SHISA9: variants seen among roughly 807,000 people sequenced by gnomAD.
SHISA9 encodes protein shisa-9.
A neutral mutation model predicts 38.0 loss-of-function variants in SHISA9; 13 were observed. That is an observed-to-expected ratio of 0.34 (90% confidence interval 0.22 to 0.54). The LOEUF is 0.54. Among genes scored for constraint, SHISA9 ranks in the 20% least tolerant of loss-of-function variants. SHISA9 has a pLI of 0.91. For synonymous variants in SHISA9, 275 were observed against 242.0 expected (o/e 1.14, Z -1.27); for missense variants, 538 against 575.8 (o/e 0.93, Z 0.67).
At chr16:13,095,516 T>C (rs2073816385) in intron 2 of SHISA9, among the ~76,000 whole-genome samples, 1 of 152,242 alleles carries the variant, frequency 6.6e-6, no homozygotes, top group Non-Finnish European at 1.5e-5. Flanking sequence ...TGGCTTCCAG[T>C]ATCCTCCTCA....
chr16:13,218,220 A>G (rs940363538), intron 4 of SHISA9, among the ~76,000 whole-genome samples: 6 of 152,170 alleles, frequency 3.9e-5, no homozygotes, highest in Non-Finnish European at 8.8e-5. Context: ...ACCCAGAATC[A>G]CTGGAGACGC....
intron 4 of SHISA9, among the ~76,000 whole-genome samples, chr16:13,222,796 A>G (rs1019622176): frequency 2.4e-5 from 2 of 83,036 alleles, no homozygotes; most frequent in Non-Finnish European, 4.3e-5. Context: ...GTGTATGTAT[A>G]TATATATATA....
At chr16:13,170,023 C>T (rs1263857773) in intron 2 of SHISA9, among the ~76,000 whole-genome samples, 2 of 151,892 alleles carry the variant, frequency 1.3e-5, no homozygotes, top group Non-Finnish European at 2.9e-5. Context: ...GCCAACATGG[C>T]GAAACTCTTT....
chr16:13,378,606 C>T, the SHISA9 span, among the ~76,000 whole-genome samples: 8 of 152,136 alleles, frequency 5.3e-5, no homozygotes, highest in African/African-American at 1.9e-4. Context: ...TATTCATGCA[C>T]CTGTCATAAT....
intron 2 of SHISA9, among the ~76,000 whole-genome samples, chr16:13,114,557 C>T (rs2074012371): frequency 6.7e-6 from 1 of 148,290 alleles, no homozygotes; most frequent in Admixed American, 6.7e-5. Flanking sequence ...TAATTGTTAA[C>T]ATTTGGTTAT....
chr16:13,299,241 C>G, the SHISA9 span, among the ~76,000 whole-genome samples: 974 of 152,324 alleles, frequency 6.4e-3, 5 homozygotes, highest in Non-Finnish European at 9.1e-3. Flanking sequence ...ATTAGCGCTT[C>G]CCTTGTACAG....
chr16:13,534,505 G>A, the SHISA9 span, among the ~76,000 whole-genome samples: 2 of 152,196 alleles, frequency 1.3e-5, no homozygotes, highest in Admixed American at 1.3e-4. Flanking sequence ...GATTACAGGT[G>A]TGAGTCACCA....
In SHISA9 at chr16:13,161,349, G is replaced by A. The variant is rs192939670; in HGVS notation, c.692-42045G>A. Among the ~76,000 whole-genome samples, 3 of 152,260 alleles carry A rather than the reference G, an allele frequency of 2.0e-5. No homozygotes were observed. The East Asian group carries it at 5.8e-4, about 29-fold the overall frequency. On this transcript the variant is annotated intron_variant, in intron 2 of 4. Coordinates refer to ENST00000558583, the MANE Select transcript of SHISA9 (RefSeq NM_001145204.3). ...TTGGACTCATCTGCCCATGTGGCTA[G>A]CCTCACATAAGACCTGGACCCTAAC...
At chr16:12,981,412 C>T (rs1434571832) in intron 2 of SHISA9, among the ~76,000 whole-genome samples, 1 of 152,250 alleles carries the variant, frequency 6.6e-6, no homozygotes, top group Non-Finnish European at 1.5e-5. Context: ...TCTAATCCCC[C>T]ATTCCAGTTT....
intron 2 of SHISA9, among the ~76,000 whole-genome samples, chr16:13,162,257 G>A (rs2050601595): frequency 6.6e-6 from 1 of 152,140 alleles, no homozygotes; most frequent in Non-Finnish European, 1.5e-5. Flanking sequence ...AGTTGGTGTA[G>A]AAGAAATAAA....
intron 1 of SHISA9, among the ~76,000 whole-genome samples, chr16:12,903,518 AATTT>A (rs1204668560): frequency 4.8e-5 from 2 of 41,684 alleles, no homozygotes; most frequent in African/African-American, 1.4e-4. Flanking sequence ...GCTTTTTTTA[AATTT>A]TTTTTATTTT....
the SHISA9 span, among the ~76,000 whole-genome samples, chr16:13,540,399 C>T: frequency 1.3e-5 from 2 of 152,188 alleles, no homozygotes; most frequent in African/African-American, 4.8e-5. Context: ...CAGCCAAGGA[C>T]TATCAGGAGT....
At chr16:13,321,319 G>A in the SHISA9 span, among the ~76,000 whole-genome samples, 2 of 152,130 alleles carry the variant, frequency 1.3e-5, no homozygotes, top group South Asian at 2.1e-4. Flanking sequence ...ACACAGAGCC[G>A]GTGACAAATA....
rs188711439 is a variant in SHISA9 at position 12,979,135 on chromosome 16, C to T, written c.691+62320C>T. ...CCACCCTCTCCTTGATTGTTCCCAT[C>T]GCTCCTGCCTTCAGCAATTCTTGCA... is the stretch of plus-strand genomic sequence containing the variant. On this transcript the variant is annotated intron_variant, in intron 2 of 4. Coordinates refer to ENST00000558583, the MANE Select transcript of SHISA9 (RefSeq NM_001145204.3). Among the ~76,000 whole-genome samples the T allele has an allele frequency of 3.9e-5, 6 of 152,310 alleles. No individual in the cohort carries two copies. The East Asian group carries it at 5.8e-4, about 15-fold the overall frequency.
chr16:13,521,083 G>T, the SHISA9 span, among the ~76,000 whole-genome samples: 1 of 152,104 alleles, frequency 6.6e-6, no homozygotes. Context: ...AGCTCCACTG[G>T]TTAGCCACTG....
chr16:13,370,192 T>C, the SHISA9 span, among the ~76,000 whole-genome samples: 1 of 152,196 alleles, frequency 6.6e-6, no homozygotes. Flanking sequence ...TTTTTACGCC[T>C]CCTGGCTTGG....
chr16:13,263,415 T>C, the SHISA9 span, among the ~76,000 whole-genome samples: 1 of 152,310 alleles, frequency 6.6e-6, no homozygotes, highest in Non-Finnish European at 1.5e-5. Context: ...GTTCTTGTGA[T>C]GGTGAGTGAG....
At chr16:13,336,127 G>A in the SHISA9 span, among the ~76,000 whole-genome samples, 41 of 152,176 alleles carry the variant, frequency 2.7e-4, no homozygotes, top group African/African-American at 9.9e-4. Flanking sequence ...GGAGCTAGTG[G>A]AAAGGTCACG....
At chr16:13,270,592 G>A in the SHISA9 span, among the ~76,000 whole-genome samples, 2 of 152,154 alleles carry the variant, frequency 1.3e-5, no homozygotes. Flanking sequence ...AGTCAAAAGT[G>A]TACCAGCTTT....
Sources: allele counts gnomAD v4.1 joint callset (sites outside exome capture counted in the v4.1 genomes callset), GRCh38; gene constraint gnomAD v4.1.1; transcripts MANE v1.5; gene names NCBI Gene and HGNC (gene_info 2026-07-23, HGNC 2026-07-21).